Variants in TCF12 observed in about 807,000 individuals in gnomAD.
TCF12 encodes the protein transcription factor 12.
Under a neutral mutation model 86.0 loss-of-function variants are expected in TCF12, and 45 were observed. That is an observed-to-expected ratio of 0.52 (90% CI 0.41 to 0.67). The LOEUF is 0.67. Ranked by LOEUF, TCF12 falls within the 30% of genes least tolerant of loss-of-function variation. The pLI is 0.00. For synonymous variants in TCF12, 330 were observed against 299.6 expected, an observed-to-expected ratio of 1.10 and a Z score of -1.05; for missense variants, 881 against 859.9, an observed-to-expected ratio of 1.02 and a Z score of -0.31.
intron 5 of TCF12, among the ~76,000 whole-genome samples, chr15:57,119,105 C>CT (rs1484619356): frequency 1.3e-5 from 2 of 151,576 alleles, no homozygotes; most frequent in African/African-American, 2.4e-5. Flanking sequence ...TTTCTTTTTT[C>CT]TTTTTTGTGA....
intron 8 of TCF12, among the ~76,000 whole-genome samples, chr15:57,215,753 C>T (rs766934547): frequency 6.6e-6 from 1 of 152,128 alleles, no homozygotes; most frequent in East Asian, 1.9e-4. Flanking sequence ...TTTGTGTTAC[C>T]TTTAGAAACA....
chr15:57,220,197 G>T (rs1322804453), intron 8 of TCF12, among the ~76,000 whole-genome samples: 1 of 152,088 alleles, frequency 6.6e-6, no homozygotes, highest in East Asian at 1.9e-4. Context: ...AAGTACATTT[G>T]TTTTTATGTT....
intron 5 of TCF12, among the ~76,000 whole-genome samples, chr15:57,156,772 C>A (rs1379121777): frequency 6.6e-6 from 1 of 152,096 alleles, no homozygotes; most frequent in East Asian, 1.9e-4. Context: ...TAAACACTGA[C>A]CTTGCCTGGT....
At chr15:57,216,056 A>G in intron 8 of TCF12, among the ~76,000 whole-genome samples, 1 of 152,136 alleles carries the variant, frequency 6.6e-6, no homozygotes, top group East Asian at 1.9e-4. Context: ...TGTTTAGGCA[A>G]AGCACGTTAT....
At chr15:57,233,933 T>A in intron 11 of TCF12, 110 bp from the exon 12 acceptor site, 1 of 819,558 alleles carries the variant, frequency 1.2e-6, no homozygotes, top group Non-Finnish European at 2.1e-6. Context: ...CCTAGTTTAC[T>A]GTAACAGATG....
At chr15:57,100,004 A>G (rs1256538711) in intron 5 of TCF12, among the ~76,000 whole-genome samples, 1 of 152,104 alleles carries the variant, frequency 6.6e-6, no homozygotes, top group African/African-American at 2.4e-5. Context: ...TATCCAGTGC[A>G]TTTCCTCATT....
intron 3 of TCF12, among the ~76,000 whole-genome samples, chr15:57,044,147 A>G (rs183955158): frequency 6.6e-4 from 101 of 152,334 alleles, no homozygotes; most frequent in Admixed American, 1.3e-3. Flanking sequence ...ATACTGTATT[A>G]CTGAATTTAT....
intron 7 of TCF12, among the ~76,000 whole-genome samples, chr15:57,194,781 AC>A (rs1445097855): frequency 1.3e-5 from 2 of 152,084 alleles, no homozygotes; most frequent in Non-Finnish European, 2.9e-5. Flanking sequence ...AGGATGTGTT[AC>A]CCCCTTTTTA....
chr15:57,221,429 G>C (rs941378960), intron 8 of TCF12, among the ~76,000 whole-genome samples: 4 of 143,702 alleles, frequency 2.8e-5, no homozygotes, highest in Non-Finnish European at 4.6e-5. Flanking sequence ...TATAAGTTCA[G>C]TAAAATTAAT....
At chr15:56,972,062 T>G (rs752224286) in intron 3 of TCF12, among the ~76,000 whole-genome samples, 6 of 152,214 alleles carry the variant, frequency 3.9e-5, no homozygotes, top group Non-Finnish European at 7.3e-5. Flanking sequence ...ATAGGTGAAT[T>G]ATAGGGTATA....
downstream of TCF12, chr15:57,291,259 A>G (rs960769314): frequency 6.6e-6 from 1 of 152,214 alleles, no homozygotes; most frequent in Non-Finnish European, 1.5e-5. Context: ...CATACTTTCA[A>G]TCATCTCTAC....
Position 57,003,404 on chromosome 15 carries a change from A to G in TCF12, c.149-60346A>G, listed in dbSNP as rs550689821. Among the ~76,000 whole-genome samples, 7 of 152,334 alleles carry G rather than the reference A, an allele frequency of 4.6e-5. No homozygotes were observed. In the East Asian group the frequency reaches 1.3e-3, roughly 29 times the overall value. ...ACATTGAGCTCACAATCAACAAAAC[A>G]ATAACTCATTCCTGAACTAAGTTTA... is the stretch of plus-strand genomic sequence containing the variant. On this transcript the variant is annotated intron_variant, in intron 3 of 20. Coordinates refer to ENST00000333725, the MANE Select transcript of TCF12 (RefSeq NM_207037.2).
At chr15:57,192,885 G>C (rs1402155481) in intron 7 of TCF12, among the ~76,000 whole-genome samples, 2 of 152,152 alleles carry the variant, frequency 1.3e-5, no homozygotes, top group Non-Finnish European at 2.9e-5. Context: ...CAATTTGTAA[G>C]CCATAATTTT....
chr15:56,925,494 G>C (rs1233568916), intron 3 of TCF12, among the ~76,000 whole-genome samples: 1 of 152,118 alleles, frequency 6.6e-6, no homozygotes, highest in African/African-American at 2.4e-5. Flanking sequence ...ATCCAACCTT[G>C]ACTATAAACA....
At chr15:57,171,418 A>G (rs1291862653) in intron 6 of TCF12, among the ~76,000 whole-genome samples, 1 of 152,146 alleles carries the variant, frequency 6.6e-6, no homozygotes, top group African/African-American at 2.4e-5. Flanking sequence ...ACTGGCTGCC[A>G]TTTTGTCTTA....
At chr15:57,191,417 C>T (rs1045342161) in intron 6 of TCF12, among the ~76,000 whole-genome samples, 4 of 152,150 alleles carry the variant, frequency 2.6e-5, no homozygotes, top group East Asian at 3.8e-4. Context: ...AAGCTGTGAT[C>T]GTGCCCCTGC....
At chr15:57,042,490 T>C (rs992630672) in intron 3 of TCF12, among the ~76,000 whole-genome samples, 5 of 152,208 alleles carry the variant, frequency 3.3e-5, no homozygotes, top group South Asian at 2.1e-4. Flanking sequence ...CATTGCTCAC[T>C]GTGACCTCAA....
At chr15:57,066,310 A>G (rs12898844) in intron 4 of TCF12, among the ~76,000 whole-genome samples, 8 of 151,932 alleles carry the variant, frequency 5.3e-5, no homozygotes, top group African/African-American at 1.9e-4. Flanking sequence ...CTATTTTAGT[A>G]TATTGAATTT....
intron 8 of TCF12, among the ~76,000 whole-genome samples, chr15:57,216,220 G>C (rs1705167990): frequency 1.3e-5 from 2 of 152,036 alleles, no homozygotes; most frequent in South Asian, 4.1e-4. Flanking sequence ...GCTAATAAAA[G>C]GTATATGGCT....
Sources: allele counts gnomAD v4.1 joint callset (sites outside exome capture counted in the v4.1 genomes callset), GRCh38; gene constraint gnomAD v4.1.1; transcripts MANE v1.5; gene names NCBI Gene and HGNC (gene_info 2026-07-23, HGNC 2026-07-21).